ALLC: variants seen among roughly 807,000 people sequenced by gnomAD.
The protein encoded by ALLC is allantoicase.
ALLC carries 40 observed loss-of-function variants against 45.0 expected under a neutral mutation model. The ratio of observed to expected loss-of-function variants is 0.89; its 90% CI spans 0.69 to 1.16. The LOEUF (loss-of-function observed/expected upper bound fraction) is 1.16. Among genes scored for constraint, ALLC ranks in the 50% most tolerant of loss-of-function variants. The pLI is 0.00. For missense variants in ALLC, 488 were observed against 493.1 expected, an observed-to-expected ratio of 0.99 and a Z score of 0.10; for synonymous variants, 176 against 178.1, an observed-to-expected ratio of 0.99 and a Z score of 0.09.
At chr2:3,681,185 C>G (rs1027438805) in intron 5 of ALLC, among the ~76,000 whole-genome samples, 1 of 152,078 alleles carries the variant, frequency 6.6e-6, no homozygotes. Flanking sequence ...ACTCTAAAAG[C>G]GGAAATGACC....
At chr2:3,651,593 T>C in the ALLC span, among the ~76,000 whole-genome samples, 1 of 151,622 alleles carries the variant, frequency 6.6e-6, no homozygotes, top group Non-Finnish European at 1.5e-5. Flanking sequence ...GTCCCTGCGG[T>C]GACAGCAGCC....
At chr2:3,691,464 T>C (rs1437028949) in intron 7 of ALLC, among the ~76,000 whole-genome samples, 1 of 152,080 alleles carries the variant, frequency 6.6e-6, no homozygotes, top group Non-Finnish European at 1.5e-5. Context: ...GGTTTTACCA[T>C]GTTGCCCAGG....
chr2:3,668,399 T>G (rs1328265729), intron 1 of ALLC, among the ~76,000 whole-genome samples: 1 of 151,956 alleles, frequency 6.6e-6, no homozygotes. Flanking sequence ...GAACAGGGAA[T>G]GACTTTTGTT....
At chr2:3,681,450 G>A (rs1558541532) in intron 5 of ALLC, among the ~76,000 whole-genome samples, 184 bp from the exon 6 acceptor site, 1 of 152,126 alleles carries the variant, frequency 6.6e-6, no homozygotes, top group African/African-American at 2.4e-5. Context: ...TTTTTGAAAT[G>A]ACTGTTAATA....
chr2:3,697,727 G>A (rs1157787351), intron 10 of ALLC, among the ~76,000 whole-genome samples: 4 of 150,366 alleles, frequency 2.7e-5, no homozygotes, highest in East Asian at 2.0e-4. Flanking sequence ...GTGCAGTGGC[G>A]CAATCTCAGC....
chr2:3,679,419 G>T (rs973542730), intron 4 of ALLC, among the ~76,000 whole-genome samples: 1 of 152,236 alleles, frequency 6.6e-6, no homozygotes, highest in African/African-American at 2.4e-5. Flanking sequence ...CACAGTGTCT[G>T]CAGGAGAACC....
intron 2 of ALLC, 119 bp downstream of exon 2, chr2:3,671,309 C>T: frequency 8.9e-7 from 1 of 1,122,340 alleles, no homozygotes; most frequent in Non-Finnish European, 1.3e-6. Flanking sequence ...TGTTGGCCTG[C>T]CCAAGGAAAC....
chr2:3,690,252 CCCTT>C, intron 7 of ALLC, among the ~76,000 whole-genome samples: 1 of 33,776 alleles, frequency 3.0e-5, no homozygotes, highest in Non-Finnish European at 5.6e-5. Context: ...CCCTCCCCTT[CCCTT>C]CCCTTCCCTC....
Position 3,681,470 on chromosome 2 carries a change from T to C in ALLC, c.299-164T>C, listed in dbSNP as rs989103011. ...GAAATGACTGTTAATATATTAAATA[T>C]TGAGGAACTTCAACAAGTGTGTCTA... is the stretch of plus-strand genomic sequence containing the variant. On this transcript the variant is annotated intron_variant, in intron 5 of 11. Transcript: ENST00000252505. Among the ~76,000 whole-genome samples, 4 of 152,318 alleles carry C rather than the reference T, an allele frequency of 2.6e-5. No individual in the cohort carries two copies. In the East Asian group the frequency reaches 5.8e-4, roughly 22 times the overall value.
At chr2:3,676,211 A>C (rs1211569469) in intron 3 of ALLC, among the ~76,000 whole-genome samples, 1 of 152,262 alleles carries the variant, frequency 6.6e-6, no homozygotes, top group Non-Finnish European at 1.5e-5. Context: ...TATATTCGTA[A>C]ATATATAAGA....
At position 3,668,566 on chromosome 2, in the gene ALLC, C is replaced by CTTTTTTTTTT. The variant is rs1173613810; in HGVS notation, c.-62-2512_-62-2503dup. Among the ~76,000 whole-genome samples, 109 of 71,890 alleles carry CTTTTTTTTTT rather than the reference C, an allele frequency of 1.5e-3. 22 individuals carry two copies. Among genetic ancestry groups the CTTTTTTTTTT allele is most frequent in the African/African-American group, 7.5e-3 (103 of 13,672 alleles). The allele number at this position is 71,890 out of a possible 152,430, so 47.2% of individuals were successfully genotyped here. A position where few individuals can be genotyped will look rare whatever the true frequency, so the allele number is the denominator to read the frequency against. Reference sequence around the variant, plus strand: ...TGTGTAATATGCATAATGTGTATGACTTTTTTTTTTTTTTTTTTTTTTTTT... The same window carrying CTTTTTTTTTT: ...TGTGTAATATGCATAATGTGTATGACTTTTTTTTTTTTTTTTTTTTTTTTTTTTTTTTTTT... On this transcript the variant is annotated intron_variant, in intron 1 of 11. Transcript: ENST00000252505.
chr2:3,696,040 G>C (rs1333122421), intron 8 of ALLC, among the ~76,000 whole-genome samples, 168 bp downstream of exon 8: 1 of 152,152 alleles, frequency 6.6e-6, no homozygotes, highest in Non-Finnish European at 1.5e-5. Flanking sequence ...CATGAAATAA[G>C]TCAACATTAC....
Position 3,699,429 on chromosome 2 carries a change from C to T in ALLC, c.850+1973C>T, listed in dbSNP as rs752274293. Among the ~76,000 whole-genome samples, 9 of 152,258 alleles carry T rather than the reference C, an allele frequency of 5.9e-5. No homozygotes were observed. The South Asian group carries it at 1.2e-3, about 21-fold the overall frequency. ...TTGATGGACATTTAGGTTGATTCCA[C>T]GTCTTTGCTATTGTGAACAGTGCTG... On this transcript the variant is annotated intron_variant, in intron 10 of 11. Coordinates refer to ENST00000252505, the MANE Select transcript of ALLC (RefSeq NM_018436.4).
chr2:3,676,832 G>T (rs1667036361), intron 3 of ALLC, among the ~76,000 whole-genome samples: 1 of 151,742 alleles, frequency 6.6e-6, no homozygotes, highest in African/African-American at 2.4e-5. Context: ...CTGTTGCCCA[G>T]GCTGGAGTGC....
At chr2:3,696,547 G>A (rs975725842) in intron 9 of ALLC, among the ~76,000 whole-genome samples, 199 bp downstream of exon 9, 11 of 152,104 alleles carry the variant, frequency 7.2e-5, no homozygotes, top group Non-Finnish European at 1.3e-4. Context: ...AAACATACTG[G>A]TCATTGCCAG....
intron 11 of ALLC, 66 bp from the exon 12 acceptor site, chr2:3,702,297 G>A (rs544310492): frequency 7.6e-5 from 110 of 1,439,398 alleles, no homozygotes; most frequent in African/African-American, 2.8e-4. Flanking sequence ...TGCCCGGGCC[G>A]TGGGCTCATT....
rs1044035483 is a variant in ALLC at position 3,671,074 on chromosome 2, C to T, written c.-62-22C>T. ...CACTCCCGCAGCCCCCAAGGTTGAC[C>T]GAGCTGCCCTCTCCCTTCCAGGAAG... is the stretch of plus-strand genomic sequence containing the variant. On this transcript the variant is annotated intron_variant, in intron 1 of 11. Coordinates refer to ENST00000252505, the MANE Select transcript of ALLC (RefSeq NM_018436.4). 21 of 1,496,564 alleles carry T rather than the reference C, an allele frequency of 1.4e-5. 1 individual carries two copies. In the African/African-American group the frequency reaches 2.5e-4, roughly 18 times the overall value. The allele number at this position is 1,496,564 out of a possible 1,614,324, so 92.7% of individuals were successfully genotyped here.
chr2:3,651,299 GGTGGGT>G, the ALLC span, among the ~76,000 whole-genome samples: 1 of 554 alleles, frequency 1.8e-3, no homozygotes, highest in Admixed American at 0.022. Context: ...ATTCTTTTTG[GGTGGGT>G]GGGTGGGTGG....
At chr2:3,671,559 C>A (rs1296902050) in intron 2 of ALLC, among the ~76,000 whole-genome samples, 1 of 150,594 alleles carries the variant, frequency 6.6e-6, no homozygotes, top group Non-Finnish European at 1.5e-5. Context: ...ATAGGAGGTC[C>A]TCTGGCTCTG....
Sources: allele counts gnomAD v4.1 joint callset (sites outside exome capture counted in the v4.1 genomes callset), GRCh38; gene constraint gnomAD v4.1.1; transcripts MANE v1.5; gene names NCBI Gene and HGNC (gene_info 2026-07-23, HGNC 2026-07-21).